Variants in PADI1 observed in about 807,000 individuals in gnomAD.
PADI1 encodes peptidyl arginine deiminase 1, also known as protein-arginine deiminase type-1.
In PADI1, 65 loss-of-function variants were observed where a neutral mutation model predicts 74.8. The observed-to-expected ratio is 0.87, with a 90% CI of 0.71 to 1.07. The LOEUF (loss-of-function observed/expected upper bound fraction) is 1.07. PADI1 is among the 50% of genes least tolerant of loss of function. PADI1 has a pLI of 0.00. For synonymous variants in PADI1, 371 were observed against 336.2 expected, an observed-to-expected ratio of 1.10 and a Z score of -1.13; for missense variants, 943 against 854.0, an observed-to-expected ratio of 1.10 and a Z score of -1.30.
chr1:17,232,025 G>A (rs2072503750), intron 10 of PADI1, among the ~76,000 whole-genome samples: 1 of 152,114 alleles, frequency 6.6e-6, no homozygotes, highest in African/African-American at 2.4e-5. Context: ...TGCAACCTCT[G>A]CCTTCCGGGT....
Position 17,244,139 on chromosome 1 carries a change from A to G in PADI1, c.1888A>G (p.Ile630Val), listed in dbSNP as rs754932625. ...LEPLGLHCIF[I>V]DDYLSYHELQ... Reference sequence around the variant, plus strand: ...GCCTCTGGGCCTGCACTGCATCTTCATTGATGACTACTTGTCCTACCACGA... The same window carrying G: ...GCCTCTGGGCCTGCACTGCATCTTCGTTGATGACTACTTGTCCTACCACGA... Residue 630 changes from isoleucine (I) to valine (V), a missense_variant, in exon 16 of 16, where the codon ATT becomes GTT. Physicochemically the swap from Ile to Val is conservative, Grantham distance 29 (BLOSUM62 3). Coordinates refer to ENST00000375471, the MANE Select transcript of PADI1 (RefSeq NM_013358.3). 3 of 1,614,214 alleles carry G rather than the reference A, an allele frequency of 1.9e-6. No individual in the cohort carries two copies. The highest frequency in any genetic ancestry group is 2.5e-6 in the Non-Finnish European group (3 of 1,180,022).
rs182902433 is a variant in PADI1, at chr1:17,223,571, C to T, written c.274-50C>T. On this transcript the variant is annotated intron_variant, in intron 2 of 15. Transcript: ENST00000375471. ...ATGTGTCCCTCATCACCTCTGCCTCCGCCATCTCTGAAGGTGATGGCCGTG... is the reference window on the plus strand; with the variant it reads ...ATGTGTCCCTCATCACCTCTGCCTCTGCCATCTCTGAAGGTGATGGCCGTG... 2.1e-5 allele frequency: 31 copies of T among 1,458,210 alleles called. No homozygotes were observed. In the East Asian group the frequency reaches 2.3e-4, roughly 11 times the overall value. The allele number at this position is 1,458,210 out of a possible 1,614,324, so 90.3% of individuals were successfully genotyped here.
At chr1:17,239,519 A>C in intron 13 of PADI1, 185 bp from the exon 14 acceptor site, 2 of 564,018 alleles carry the variant, frequency 3.5e-6, no homozygotes, top group Non-Finnish European at 6.5e-6. Flanking sequence ...ATCCATCACC[A>C]GGTTTTCCTT....
At chr1:17,222,783 C>T (rs1276464306) in intron 2 of PADI1, among the ~76,000 whole-genome samples, 1 of 152,204 alleles carries the variant, frequency 6.6e-6, no homozygotes, top group East Asian at 1.9e-4. Flanking sequence ...ACGGACCCAG[C>T]AAGATGCCCC....
intron 1 of PADI1, among the ~76,000 whole-genome samples, chr1:17,216,969 G>A (rs577560274): frequency 6.6e-6 from 1 of 151,404 alleles, no homozygotes; most frequent in Admixed American, 6.6e-5. Context: ...GATGTGGCAG[G>A]TGGAGAAAAC....
At chr1:17,243,819 A>G (rs544754031) in intron 15 of PADI1, among the ~76,000 whole-genome samples, 191 bp from the exon 16 acceptor site, 2 of 152,192 alleles carry the variant, frequency 1.3e-5, no homozygotes, top group African/African-American at 4.8e-5. Context: ...CTCATTTCCA[A>G]CCCTGAATCT....
chr1:17,232,363 C>T (rs1166085837), intron 10 of PADI1, among the ~76,000 whole-genome samples: 5 of 152,214 alleles, frequency 3.3e-5, no homozygotes, highest in Non-Finnish European at 7.3e-5. Flanking sequence ...ACTTCACCCC[C>T]TGAGGAGCTG....
At chr1:17,210,753 C>A (rs997964367) in intron 1 of PADI1, among the ~76,000 whole-genome samples, 2 of 152,164 alleles carry the variant, frequency 1.3e-5, no homozygotes, top group Non-Finnish European at 2.9e-5. Context: ...CCTCCCTCAA[C>A]CTCCAGCAGC....
intron 12 of PADI1, among the ~76,000 whole-genome samples, chr1:17,237,845 A>G (rs1251633168): frequency 6.6e-6 from 1 of 152,084 alleles, no homozygotes; most frequent in Admixed American, 6.6e-5. Flanking sequence ...ATCCAAGCTC[A>G]CCCAGCCTGC....
rs1430446395 is a variant in PADI1 at position 17,238,202 on chromosome 1, A to G, written c.1459-414A>G. Among the ~76,000 whole-genome samples, 6 of 152,256 alleles carry G rather than the reference A, an allele frequency of 3.9e-5. No homozygotes were observed. In the East Asian group the frequency reaches 9.7e-4, roughly 25 times the overall value. On this transcript the variant is annotated intron_variant, in intron 12 of 15. Coordinates refer to ENST00000375471, the MANE Select transcript of PADI1 (RefSeq NM_013358.3). ...TAGCTGGGATTACACCACCATGCCC[A>G]GCTAATTTTTTGTATTTTAAGTAGA...
chr1:17,220,446 C>T (rs895142120), intron 1 of PADI1, among the ~76,000 whole-genome samples: 1 of 152,010 alleles, frequency 6.6e-6, no homozygotes, highest in Admixed American at 6.5e-5. Flanking sequence ...CAGAAGGACC[C>T]CTTTTGCAGA....
intron 6 of PADI1, 132 bp from the exon 7 acceptor site, chr1:17,228,493 C>G: frequency 1.2e-6 from 1 of 826,994 alleles, no homozygotes; most frequent in Non-Finnish European, 2.0e-6. Context: ...TAAGGCCATG[C>G]AGCTTGCACG....
rs367841831 is a variant in PADI1 at position 17,240,793 on chromosome 1, G to A, written c.1758+33G>A. 99 of 1,605,878 alleles carry A rather than the reference G, an allele frequency of 6.2e-5. No individual in the cohort carries two copies. The African/African-American group carries it at 1.1e-3, about 18-fold the overall frequency. On this transcript the variant is annotated intron_variant, in intron 15 of 15. Transcript: ENST00000375471. ...CCCTTGTGCAGGGTCCTGCTGGGGG[G>A]TCTGCGGGGCTCTGAGAAGAAGCAC... is the stretch of plus-strand genomic sequence containing the variant.
chr1:17,240,486 C>A (rs2072751944), intron 14 of PADI1, 149 bp from the exon 15 acceptor site: 3 of 802,436 alleles, frequency 3.7e-6, no homozygotes. Context: ...TTCCCCCGGA[C>A]AGCAATGGTT....
In PADI1 at chr1:17,220,856, C is replaced by T. The variant is rs77513089; in HGVS notation, c.93-1434C>T. On this transcript the variant is annotated intron_variant, in intron 1 of 15. Transcript: ENST00000375471. ...GGGATGAAGAAGAATGAGATGCCAC[C>T]CACAGAGGCCCTGTTGGTTTTGCTC... is the stretch of plus-strand genomic sequence containing the variant. 4.9e-4 allele frequency among the ~76,000 whole-genome samples: 75 copies of T among 152,288 alleles called. No homozygotes were observed. The East Asian group carries it at 0.013, about 26-fold the overall frequency.
intron 13 of PADI1, among the ~76,000 whole-genome samples, chr1:17,239,368 ATAAT>A (rs1327218736): frequency 6.6e-6 from 1 of 152,216 alleles, no homozygotes; most frequent in Non-Finnish European, 1.5e-5. Flanking sequence ...GTTGTAGATG[ATAAT>A]TAATCCCTCC....
intron 1 of PADI1, among the ~76,000 whole-genome samples, chr1:17,208,774 A>T (rs2071755617): frequency 6.6e-6 from 1 of 152,218 alleles, no homozygotes; most frequent in Admixed American, 6.5e-5. Flanking sequence ...CATGCCAATA[A>T]AGACAGGGGT....
chr1:17,231,346 T>A (rs987657565), intron 10 of PADI1, among the ~76,000 whole-genome samples: 6 of 152,108 alleles, frequency 3.9e-5, no homozygotes, highest in African/African-American at 1.4e-4. Flanking sequence ...GATGCAAAAC[T>A]AGGGGGGCTG....
chr1:17,211,475 G>A (rs557409978), intron 1 of PADI1, among the ~76,000 whole-genome samples: 12 of 152,294 alleles, frequency 7.9e-5, no homozygotes, highest in Non-Finnish European at 1.6e-4. Flanking sequence ...CCTGTTTTAA[G>A]TGCTCACTGC....
Sources: allele counts gnomAD v4.1 joint callset (sites outside exome capture counted in the v4.1 genomes callset), GRCh38; gene constraint gnomAD v4.1.1; transcripts MANE v1.5; gene names NCBI Gene and HGNC (gene_info 2026-07-23, HGNC 2026-07-21).